The following FRMD4A variants were observed in gnomAD, a reference collection of about 807,000 sequenced individuals.
FRMD4A encodes the protein FERM domain containing 4A.
In FRMD4A, 29 loss-of-function variants were observed where a neutral mutation model predicts 129.1. The observed-to-expected ratio is 0.22, with a 90% CI of 0.17 to 0.31. The LOEUF (loss-of-function observed/expected upper bound fraction) is 0.31, where lower values mean the gene tolerates loss of function less well. FRMD4A is among the 10% of genes least tolerant of loss of function. FRMD4A has a pLI of 1.00. For missense variants in FRMD4A, 1,272 were observed against 1,375.8 expected (o/e 0.92, Z 1.19); for synonymous variants, 634 against 571.6 (o/e 1.11, Z -1.56).
chr10:14,035,480 T>TAAAAAA (rs1833456844), intron 2 of FRMD4A, among the ~76,000 whole-genome samples: 1 of 150,406 alleles, frequency 6.6e-6, no homozygotes, highest in Non-Finnish European at 1.5e-5. Flanking sequence ...TAATCTGCTG[T>TAAAAAA]CTCCATGATT....
chr10:14,091,900 T>G (rs1219685858), intron 2 of FRMD4A, among the ~76,000 whole-genome samples: 2 of 152,216 alleles, frequency 1.3e-5, no homozygotes, highest in African/African-American at 2.4e-5. Context: ...CAACTTAGGT[T>G]ACTCCTTTCA....
chr10:14,091,674 C>T (rs1242756295), intron 2 of FRMD4A, among the ~76,000 whole-genome samples: 3 of 152,192 alleles, frequency 2.0e-5, no homozygotes, highest in Non-Finnish European at 4.4e-5. Flanking sequence ...ACCTCATGAT[C>T]CGCCCACCTT....
At chr10:14,204,215 A>G (rs1340044687) in intron 2 of FRMD4A, among the ~76,000 whole-genome samples, 6 of 150,348 alleles carry the variant, frequency 4.0e-5, no homozygotes, top group East Asian at 1.9e-4. Context: ...CTTGAGCCCA[A>G]GAGTTCAAGA....
chr10:13,981,926 T>A (rs1480135989), intron 2 of FRMD4A, among the ~76,000 whole-genome samples: 1 of 152,088 alleles, frequency 6.6e-6, no homozygotes, highest in Non-Finnish European at 1.5e-5. Flanking sequence ...CCAGGTTACC[T>A]GCCGGATTAT....
chr10:13,864,338 C>CAAAAAA, intron 2 of FRMD4A, among the ~76,000 whole-genome samples: 1 of 114,680 alleles, frequency 8.7e-6, no homozygotes, highest in Non-Finnish European at 1.8e-5. Context: ...CATCTTGAGT[C>CAAAAAA]AAAAAAAAAA....
chr10:13,955,112 C>CTTTTTTTTTTTTTTT (rs71388139), intron 2 of FRMD4A, among the ~76,000 whole-genome samples: 2,461 of 102,748 alleles, frequency 0.024, 391 homozygotes, highest in South Asian at 0.043. Context: ...AATAATTCTG[C>CTTTTTTTTTTTTTTT]TTTTTTTTTT....
intron 14 of FRMD4A, among the ~76,000 whole-genome samples, chr10:13,699,224 GTTTTTTTTTT>G (rs1168489802): frequency 2.9e-4 from 22 of 76,268 alleles, no homozygotes; most frequent in East Asian, 1.0e-3. Flanking sequence ...CTTGGTTATT[GTTTTTTTTTT>G]TTTTTTTTTT....
chr10:14,246,908 G>T (rs75140082), intron 2 of FRMD4A, among the ~76,000 whole-genome samples: 9,776 of 152,192 alleles, frequency 0.064, 389 homozygotes, highest in Non-Finnish European at 0.09. Context: ...CCCAGGCAAG[G>T]AAGGGGTAAT....
intron 2 of FRMD4A, among the ~76,000 whole-genome samples, chr10:14,272,020 C>T (rs1845178346): frequency 6.6e-6 from 1 of 151,930 alleles, no homozygotes; most frequent in African/African-American, 2.4e-5. Flanking sequence ...TTTTGCCCAA[C>T]CACACTGGCA....
intron 2 of FRMD4A, among the ~76,000 whole-genome samples, chr10:14,031,665 C>T (rs562303658): frequency 7.9e-5 from 12 of 152,240 alleles, no homozygotes; most frequent in South Asian, 4.2e-4. Context: ...GAGCTCTAGG[C>T]GAAGCTCTTA....
intron 2 of FRMD4A, among the ~76,000 whole-genome samples, chr10:13,968,448 C>G (rs1443801215): frequency 6.6e-6 from 1 of 152,206 alleles, no homozygotes; most frequent in Non-Finnish European, 1.5e-5. Context: ...ACTTTCACAT[C>G]CATCGCTTAT....
chr10:14,070,581 T>A (rs1835272475), intron 2 of FRMD4A, among the ~76,000 whole-genome samples: 1 of 152,222 alleles, frequency 6.6e-6, no homozygotes, highest in Non-Finnish European at 1.5e-5. Context: ...CCTTCTGCTT[T>A]GGGTTTCAGA....
At chr10:14,294,757 A>G (rs1159868284) in intron 2 of FRMD4A, among the ~76,000 whole-genome samples, 3 of 152,240 alleles carry the variant, frequency 2.0e-5, no homozygotes, top group Admixed American at 1.3e-4. Context: ...GATCTTCTAA[A>G]AAACACGAGC....
chr10:13,735,166 C>T (rs1479777386), intron 12 of FRMD4A, among the ~76,000 whole-genome samples: 1 of 152,230 alleles, frequency 6.6e-6, no homozygotes, highest in African/African-American at 2.4e-5. Flanking sequence ...AGCCACTGCG[C>T]CCGGCCACAA....
At chr10:14,321,510 T>A (rs771294251) in intron 2 of FRMD4A, among the ~76,000 whole-genome samples, 1 of 151,970 alleles carries the variant, frequency 6.6e-6, no homozygotes, top group Non-Finnish European at 1.5e-5. Context: ...AGTATGAATT[T>A]TGAGGGGTGG....
chr10:13,959,471 T>TAAAAAAAAAAAAAAAA (rs56192445), intron 2 of FRMD4A, among the ~76,000 whole-genome samples: 1 of 53,110 alleles, frequency 1.9e-5, no homozygotes, highest in African/African-American at 7.7e-5. Context: ...GACTGTTTCA[T>TAAAAAAAAAAAAAAAA]AAAAAAAAAA....
At chr10:13,792,615 G>C (rs905068931) in intron 5 of FRMD4A, among the ~76,000 whole-genome samples, 2 of 152,146 alleles carry the variant, frequency 1.3e-5, no homozygotes, top group East Asian at 1.9e-4. Flanking sequence ...CTGCTTCCAG[G>C]GTTGCTGCAA....
At chr10:14,240,710 A>G (rs1198061837) in intron 2 of FRMD4A, among the ~76,000 whole-genome samples, 3 of 152,202 alleles carry the variant, frequency 2.0e-5, no homozygotes, top group African/African-American at 7.2e-5. Context: ...CACCTTCCAC[A>G]CAGGCAGTGA....
intron 2 of FRMD4A, among the ~76,000 whole-genome samples, chr10:13,996,379 C>G (rs2095622554): frequency 6.6e-6 from 1 of 152,204 alleles, no homozygotes; most frequent in Non-Finnish European, 1.5e-5. Context: ...TGTCACTGCC[C>G]CTGCACAGGA....
Sources: gnomAD v4.1 joint callset for allele counts (sites outside exome capture counted in the v4.1 genomes callset) on GRCh38, gnomAD v4.1.1 for gene constraint, MANE v1.5 for transcripts, NCBI Gene and HGNC (gene_info 2026-07-23, HGNC 2026-07-21) for gene names.